Variants in AGTPBP1 observed in about 807,000 individuals in gnomAD.
AGTPBP1 encodes the protein ATP/GTP binding carboxypeptidase 1, also known as cytosolic carboxypeptidase 1.
In AGTPBP1, 70 loss-of-function variants were observed where a neutral mutation model predicts 143.9. That is an observed-to-expected ratio of 0.49 (90% CI 0.40 to 0.59). The LOEUF is 0.59. AGTPBP1 is among the 20% of genes least tolerant of loss of function. AGTPBP1 has a pLI of 0.00. For missense variants in AGTPBP1, 1,229 were observed against 1,464.5 expected (o/e 0.84, Z 2.62); for synonymous variants, 463 against 500.2 (o/e 0.93, Z 0.99).
At chr9:85,676,367 A>G (rs1834831108) in intron 6 of AGTPBP1, among the ~76,000 whole-genome samples, 1 of 152,152 alleles carries the variant, frequency 6.6e-6, no homozygotes, top group South Asian at 2.1e-4. Context: ...AAAAAAAGAG[A>G]AAGGATTTTT....
Position 85,619,237 on chromosome 9 carries a change from G to A in AGTPBP1, c.2164C>T (p.Arg722Cys), listed in dbSNP as rs1352653820. Residue 722 changes from arginine to cysteine, a missense_variant, in exon 16 of 26, where the codon CGC (arginine) becomes TGC (cysteine). Transcript: ENST00000357081. ...TACTTTCTAATTTGAATTACTTTGCGCAGATTCCCAGACTCAAATTTGGAG... is the reference window on the plus strand; with the variant it reads ...TACTTTCTAATTTGAATTACTTTGCACAGATTCCCAGACTCAAATTTGGAG... ...FNSKFESGNL[R>C]KVIQIRKNEY... 5 of 1,613,138 alleles carry A rather than the reference G, an allele frequency of 3.1e-6. No homozygotes were observed. The highest frequency in any genetic ancestry group is 4.5e-5 in the East Asian group (2 of 44,770).
At chr9:85,742,088 T>G, upstream of AGTPBP1, 2 of 1,031,368 alleles carry the variant, frequency 1.9e-6, no homozygotes, top group Non-Finnish European at 2.4e-6. Flanking sequence ...CACGCCCTCT[T>G]CCCGCCGCGT....
At chr9:85,547,753 T>C (rs917587874) in intron 25 of AGTPBP1, among the ~76,000 whole-genome samples, 3 of 152,168 alleles carry the variant, frequency 2.0e-5, no homozygotes, top group Non-Finnish European at 4.4e-5. Flanking sequence ...TTAGCTGCCA[T>C]AAAAACAGCC....
At chr9:85,716,627 G>C (rs1837722238) in intron 1 of AGTPBP1, among the ~76,000 whole-genome samples, 1 of 152,108 alleles carries the variant, frequency 6.6e-6, no homozygotes, top group Non-Finnish European at 1.5e-5. Flanking sequence ...AATATATCCA[G>C]AATCTGATCA....
At chr9:85,708,462 C>G (rs1837157302) in intron 2 of AGTPBP1, among the ~76,000 whole-genome samples, 1 of 152,210 alleles carries the variant, frequency 6.6e-6, no homozygotes, top group Non-Finnish European at 1.5e-5. Flanking sequence ...ATTACCAAAA[C>G]TCACTCAATA....
chr9:85,555,407 G>A (rs976042553), intron 25 of AGTPBP1, among the ~76,000 whole-genome samples: 11 of 152,114 alleles, frequency 7.2e-5, no homozygotes, highest in Non-Finnish European at 7.4e-5. Context: ...AGACCATCCT[G>A]GGGAACATGG....
the AGTPBP1 span, among the ~76,000 whole-genome samples, chr9:85,755,835 A>G: frequency 6.6e-6 from 1 of 152,208 alleles, no homozygotes; most frequent in African/African-American, 2.4e-5. Context: ...AGGCTAAAAA[A>G]TCCTAGACTG....
At chr9:85,663,934 T>C (rs778841022) in intron 8 of AGTPBP1, among the ~76,000 whole-genome samples, 2 of 152,014 alleles carry the variant, frequency 1.3e-5, no homozygotes, top group Non-Finnish European at 2.9e-5. Flanking sequence ...AATAAACAAA[T>C]GACAATACAG....
chr9:85,565,723 T>C (rs574221582), intron 25 of AGTPBP1, among the ~76,000 whole-genome samples: 9 of 152,212 alleles, frequency 5.9e-5, no homozygotes, highest in Admixed American at 1.3e-4. Context: ...TTCATCATTA[T>C]GACCCTCCAA....
Position 85,621,275 on chromosome 9 carries a change from C to T in AGTPBP1, c.2026G>A (p.Ala676Thr). The change falls in exon 15 of 26, where the codon GCT becomes ACT. Residue 676 changes from alanine (A) to threonine (T), a missense_variant. Physicochemically the swap from Ala to Thr is moderately conservative, Grantham distance 58 (BLOSUM62 0). Around this residue, in one of 2 missense-constraint regions of AGTPBP1, gnomAD observed 743 missense variants for 812.2 expected, o/e 0.91. Coordinates refer to ENST00000357081, the MANE Select transcript of AGTPBP1 (RefSeq NM_001330701.2). ...TGTATTAGCCTTTCAATATCTTGAGCAATTTTTGTCCTGAAATCATAAAGG... is the reference window on the plus strand; with the variant it reads ...TGTATTAGCCTTTCAATATCTTGAGTAATTTTTGTCCTGAAATCATAAAGG... ...RPYGVQRTKIAQDIERLIHQS... is the reference protein window; with the variant it reads ...RPYGVQRTKITQDIERLIHQS... The T allele has an allele frequency of 6.9e-7, 1 of 1,441,502 alleles. No homozygotes were observed. Among genetic ancestry groups the T allele is most frequent in the South Asian group, 1.8e-5 (1 of 56,806 alleles). The allele number at this position is 1,441,502 out of a possible 1,614,324, so 89.3% of individuals were successfully genotyped here.
chr9:85,575,527 G>C (rs1436432922), intron 24 of AGTPBP1, 52 bp from the exon 25 acceptor site: 2 of 1,428,270 alleles, frequency 1.4e-6, no homozygotes, highest in Admixed American at 2.5e-5. Flanking sequence ...CTATCTTCTG[G>C]ATACAGCTCA....
chr9:85,633,344 G>A lies in AGTPBP1; in HGVS notation c.1333C>T (p.Pro445Ser). The part of the protein sequence containing the change: ...DYDLISKEPK[P>S]FVFEGKVRGP... ...CGTACTTTTCCCTCAAATACAAAAGGCTTTGGTTCTTTGGAGATTAAATCA... is the reference window on the plus strand; with the variant it reads ...CGTACTTTTCCCTCAAATACAAAAGACTTTGGTTCTTTGGAGATTAAATCA... The change falls in exon 14 of 26, where the codon CCT (proline) becomes TCT (serine). Residue 445 changes from proline (P) to serine (S), a missense_variant. Physicochemically the swap from Pro to Ser is moderately conservative, Grantham distance 74. Coordinates refer to ENST00000357081, the MANE Select transcript of AGTPBP1 (RefSeq NM_001330701.2). 6.3e-7 allele frequency: 1 copy of A among 1,585,494 alleles called. No homozygotes were observed. The highest frequency in any genetic ancestry group is 1.2e-5 in the South Asian group (1 of 85,234).
At chr9:85,638,371 G>A (rs902141512) in intron 13 of AGTPBP1, among the ~76,000 whole-genome samples, 1 of 152,010 alleles carries the variant, frequency 6.6e-6, no homozygotes, top group Middle Eastern at 3.4e-3. Flanking sequence ...AAAAAAGACT[G>A]TATATACAGT....
At chr9:85,643,406 T>A (rs551218175) in intron 12 of AGTPBP1, among the ~76,000 whole-genome samples, 1 of 152,286 alleles carries the variant, frequency 6.6e-6, no homozygotes, top group South Asian at 2.1e-4. Flanking sequence ...ACGGAGAAGT[T>A]AAGCCATTTG....
chr9:85,588,367 T>C lies in AGTPBP1; in HGVS notation c.2834A>G (p.Gln945Arg). 6.2e-7 allele frequency: 1 copy of C among 1,613,418 alleles called. No homozygotes were observed. Among genetic ancestry groups the C allele is most frequent in the South Asian group, 1.1e-5 (1 of 90,992 alleles). Residue 945 changes from glutamine (Q) to arginine (R), a missense_variant, in exon 21 of 26, where the codon CAG becomes CGG. Physicochemically the swap from Gln to Arg is conservative, Grantham distance 43 (BLOSUM62 1). Around this residue, in one of 2 missense-constraint regions of AGTPBP1, gnomAD observed 486 missense variants for 652.3 expected, o/e 0.75. Transcript: ENST00000357081. The part of the protein sequence containing the change: ...EYLMSNNPTA[Q>R]SLRESYIFKI... ...AAAAATATAAGATTCTCGTAAGCTC[T>C]GAGCAGTGGGGTTATTGCTCATGAG...
intron 8 of AGTPBP1, 144 bp downstream of exon 8, chr9:85,669,341 C>T: frequency 2.2e-6 from 1 of 452,738 alleles, no homozygotes; most frequent in East Asian, 3.6e-5. Flanking sequence ...AAATCTTTAT[C>T]ATGATAAAAT....
At chr9:85,589,758 C>A in intron 19 of AGTPBP1, 77 bp from the exon 20 acceptor site, 1 of 1,315,722 alleles carries the variant, frequency 7.6e-7, no homozygotes, top group East Asian at 2.5e-5. Context: ...GCATCCAGAT[C>A]TCCACATAAC....
chr9:85,552,096 A>G (rs1826069651), intron 25 of AGTPBP1, among the ~76,000 whole-genome samples: 1 of 152,218 alleles, frequency 6.6e-6, no homozygotes, highest in African/African-American at 2.4e-5. Flanking sequence ...GCAATTAAGA[A>G]ATATTTCATT....
At chr9:85,605,438 C>T (rs954783191) in intron 17 of AGTPBP1, among the ~76,000 whole-genome samples, 2 of 151,206 alleles carry the variant, frequency 1.3e-5, no homozygotes, top group African/African-American at 4.9e-5. Context: ...CTTCCCCAGA[C>T]AAAAAAAAGC....
Sources: gnomAD v4.1 joint callset for allele counts (sites outside exome capture counted in the v4.1 genomes callset) on GRCh38, gnomAD v4.1.1 for gene constraint, gnomAD v4.1.1 regional missense constraint, MANE v1.5 for transcripts, NCBI Gene and HGNC (gene_info 2026-07-23, HGNC 2026-07-21) for gene names.